The following SEC16A variants were observed in gnomAD, a reference collection of about 807,000 sequenced individuals.
The protein encoded by SEC16A is protein transport protein Sec16A.
In SEC16A, 110 loss-of-function variants were observed where a neutral mutation model predicts 221.9. The observed-to-expected ratio is 0.50, with a 90% CI of 0.42 to 0.58. SEC16A has a LOEUF of 0.58. Among genes scored for constraint, SEC16A ranks in the 20% least tolerant of loss-of-function variants. The pLI is 0.00. For missense variants in SEC16A, 3,165 were observed against 3,097.8 expected (o/e 1.02, Z -0.52); for synonymous variants, 1,393 against 1,257.7 (o/e 1.11, Z -2.28).
chr9:136,462,693 C>G (rs1225493540), intron 12 of SEC16A, among the ~76,000 whole-genome samples, 194 bp downstream of exon 12: 7 of 152,200 alleles, frequency 4.6e-5, no homozygotes, highest in Non-Finnish European at 1.0e-4. Context: ...AGAAGGAAAC[C>G]AACATTAACA....
In SEC16A at chr9:136,466,217, GGTTCTAAACACAACC is replaced by G. The variant is rs1258818360; in HGVS notation, c.4128+32_4128+46del. On this transcript the variant is annotated intron_variant, in intron 7 of 31. Coordinates refer to ENST00000684901, the MANE Select transcript of SEC16A (RefSeq NM_014866.2). This position sits in a 1 kb window ranked among gnomAD's most constrained non-coding sequence, Gnocchi z 5.5. ...TTAGGTACATTGCAAACAGGATGGT[GGTTCTAAACACAACC>G]GTCCGCGTGTCTGTGAGGCGCCGCC... The G allele has an allele frequency of 2.5e-6, 4 of 1,575,180 alleles. No individual in the cohort carries two copies. Among genetic ancestry groups the G allele is most frequent in the Non-Finnish European group, 2.6e-6 (3 of 1,157,398 alleles).
chr9:136,483,920 AT>A, upstream of SEC16A: 1 of 435,516 alleles, frequency 2.3e-6, no homozygotes, highest in Non-Finnish European at 3.1e-6. Flanking sequence ...AAGTTGGTCG[AT>A]GGCTGCCGCC....
chr9:136,469,032 T>C (rs1313379885), intron 4 of SEC16A, among the ~76,000 whole-genome samples: 1 of 152,116 alleles, frequency 6.6e-6, no homozygotes, highest in East Asian at 1.9e-4. Context: ...ATATTTTTCA[T>C]AGACATGGGG....
chr9:136,477,421 T>A lies in SEC16A; in HGVS notation c.195A>T (p.Thr65=), dbSNP rs372786361. 1.2e-6 allele frequency: 2 copies of A among 1,613,954 alleles called. No individual in the cohort carries two copies. The highest frequency in any genetic ancestry group is 3.3e-5 in the Admixed American group (2 of 60,016). Residue 65 remains threonine (T), a synonymous_variant, in exon 3 of 32, where the codon ACA becomes ACT. Transcript: ENST00000684901. ...FAFSRQALQS[T]PLGSSSKSSP... is the part of the protein sequence containing the mutation. ...TGCTTTTGGACGAACTGCCCAGTGGTGTACTTTGGAGCGCCTGTCTACTAA... is the reference window on the plus strand; with the variant it reads ...TGCTTTTGGACGAACTGCCCAGTGGAGTACTTTGGAGCGCCTGTCTACTAA...
intron 2 of SEC16A, 95 bp from the exon 3 acceptor site, chr9:136,477,779 T>G: frequency 8.1e-7 from 1 of 1,227,102 alleles, no homozygotes; most frequent in Non-Finnish European, 1.1e-6. Flanking sequence ...ACATTGAACA[T>G]GATTTTATGT....
At chr9:136,479,661 A>C (rs1842076212) in intron 1 of SEC16A, among the ~76,000 whole-genome samples, 1 of 152,160 alleles carries the variant, frequency 6.6e-6, no homozygotes, top group South Asian at 2.1e-4. Context: ...CAATCCACAC[A>C]TCTTTGCAGA....
rs752121768 is a variant in SEC16A at position 136,441,713 on chromosome 9, G to A, written c.*42C>T. On this transcript the variant is annotated 3_prime_UTR_variant, in exon 32 of 32. Coordinates refer to ENST00000684901, the MANE Select transcript of SEC16A (RefSeq NM_014866.2). ...TCGGTCGGGTTCTTCGGGGAGAACA[G>A]CAGCGTCAGGGCTCCAAGTGCAAGT... 1 of 1,586,148 alleles carries A rather than the reference G, an allele frequency of 6.3e-7. No homozygotes were observed. The highest frequency in any genetic ancestry group is 8.7e-7 in the Non-Finnish European group (1 of 1,155,408).
At chr9:136,463,864 C>T in intron 9 of SEC16A, 124 bp from the exon 10 acceptor site, 1 of 968,662 alleles carries the variant, frequency 1.0e-6, no homozygotes, top group South Asian at 1.3e-5. Flanking sequence ...CTGCCCCGCC[C>T]CACAGCAGGT....
intron 29 of SEC16A, 35 bp downstream of exon 29, chr9:136,445,610 G>A (rs1213923197): frequency 1.3e-6 from 2 of 1,502,956 alleles, no homozygotes; most frequent in South Asian, 1.2e-5. Flanking sequence ...GGGGAGGCCT[G>A]GGCTGCGGGG....
In SEC16A at chr9:136,466,826, G is replaced by A; in HGVS notation, c.3929+131C>T. 8.5e-7 allele frequency: 1 copy of A among 1,172,246 alleles called. No individual in the cohort carries two copies. The highest frequency in any genetic ancestry group is 1.2e-6 in the Non-Finnish European group (1 of 850,962). The allele number at this position is 1,172,246 out of a possible 1,614,324, so 72.6% of individuals were successfully genotyped here. A position where few individuals can be genotyped will look rare whatever the true frequency, so the allele number is the denominator to read the frequency against. ...TGCTCCCTCCTTCCTTTCAGACAGG[G>A]ACCAAAACATCAGGCAGATGCTCAC... On this transcript the variant is annotated intron_variant, in intron 6 of 31. Transcript: ENST00000684901. This position sits in a 1 kb window ranked among gnomAD's most constrained non-coding sequence, Gnocchi z 5.5.
Position 136,465,973 on chromosome 9 carries a change from G to T in SEC16A, c.4292C>A (p.Ala1431Asp). 6.2e-7 allele frequency: 1 copy of T among 1,613,290 alleles called. No individual in the cohort carries two copies. The highest frequency in any genetic ancestry group is 8.5e-7 in the Non-Finnish European group (1 of 1,179,842). ...TGCTGAGCACACACCTTGCTCCATGGCAGGCCAGACGGTGTCGGCAGGGTA... is the reference window on the plus strand; with the variant it reads ...TGCTGAGCACACACCTTGCTCCATGTCAGGCCAGACGGTGTCGGCAGGGTA... ...YGYPADTVWP[A>D]MEQVSSRPTS... Residue 1431 changes from alanine to aspartate, a missense_variant, in exon 8 of 32, where the codon GCC (alanine) becomes GAC (aspartate). Around this residue, in one of 3 missense-constraint regions of SEC16A, gnomAD observed 2,030 missense variants for 1,923.1 expected, o/e 1.06. Transcript: ENST00000684901.
chr9:136,464,557 A>G lies in SEC16A; in HGVS notation c.4309T>C (p.Ser1437Pro). 3 of 1,595,970 alleles carry G rather than the reference A, an allele frequency of 1.9e-6. No individual in the cohort carries two copies. Among genetic ancestry groups the G allele is most frequent in the Non-Finnish European group, 2.6e-6 (3 of 1,166,130 alleles). Residue 1437 changes from serine (S) to proline (P), a missense_variant, in exon 9 of 32, where the codon TCA (serine) becomes CCA (proline). Physicochemically the swap from Ser to Pro is moderately conservative, Grantham distance 74. This residue lies in a region of SEC16A where 2,030 missense variants were observed against 1,923.1 expected (regional missense o/e 1.06). Coordinates refer to ENST00000684901, the MANE Select transcript of SEC16A (RefSeq NM_014866.2). ...AATTTTTCAGGAGAAGTTGGTCTTG[A>G]TGAAACTGCATTTAAAATAAATTGA... is the stretch of plus-strand genomic sequence containing the variant. ...TVWPAMEQVS[S>P]RPTSPEKFSV...
At chr9:136,442,361 T>G (rs7874956) in intron 31 of SEC16A, among the ~76,000 whole-genome samples, 64,714 of 152,164 alleles carry the variant, frequency 0.43, 14,121 homozygotes, top group Admixed American at 0.53. Flanking sequence ...GGGGCCAGCT[T>G]GGGGGCAGTG....
Position 136,475,972 on chromosome 9 carries a change from C to T in SEC16A, c.1644G>A (p.Gln548=), listed in dbSNP as rs1317950550. The change falls in exon 3 of 32, where the codon CAG becomes CAA. Residue 548 remains glutamine (Q), a synonymous_variant. Transcript: ENST00000684901. The surrounding 1 kb of genome is among the most constrained non-coding windows in gnomAD (Gnocchi z 5.0). ...RPQELVGTFI[Q]QEVGKPEDEA... Reference sequence around the variant, plus strand: ...CATCCTCGGGTTTTCCAACTTCTTGCTGAATGAATGTGCCAACCAGCTCCT... The same window carrying T: ...CATCCTCGGGTTTTCCAACTTCTTGTTGAATGAATGTGCCAACCAGCTCCT... 6.2e-7 allele frequency: 1 copy of T among 1,613,480 alleles called. No individual in the cohort carries two copies. The highest frequency in any genetic ancestry group is 1.1e-5 in the South Asian group (1 of 91,082).
intron 4 of SEC16A, among the ~76,000 whole-genome samples, chr9:136,469,304 C>T (rs1415607092): frequency 6.6e-6 from 1 of 152,232 alleles, no homozygotes; most frequent in African/African-American, 2.4e-5. Flanking sequence ...ACCTCCCCCT[C>T]AGGTCTCCTG....
intron 11 of SEC16A, 21 bp downstream of exon 11, chr9:136,463,442 T>C (rs184257111): frequency 1.4e-5 from 23 of 1,610,232 alleles, no homozygotes; most frequent in Non-Finnish European, 2.0e-5. Context: ...AGAAACACTC[T>C]AGAAGTAGAA....
Position 136,474,515 on chromosome 9 carries a change from G to C in SEC16A, c.3101C>G (p.Ala1034Gly). 6 of 1,612,898 alleles carry C rather than the reference G, an allele frequency of 3.7e-6. No individual in the cohort carries two copies. Among genetic ancestry groups the C allele is most frequent in the Non-Finnish European group, 4.2e-6 (5 of 1,179,814 alleles). ...ASHPRQSGPG[A>G]PNLDRFYQQV... ...CTGATAAAAACGGTCAAGGTTAGGC[G>C]CCCCAGGCCCAGATTGTCTGGGATG... Residue 1034 changes from alanine to glycine, a missense_variant, in exon 3 of 32, where the codon GCG becomes GGG. By Grantham distance (60) the Ala-to-Gly change is moderately conservative. Around this residue, in one of 3 missense-constraint regions of SEC16A, gnomAD observed 2,030 missense variants for 1,923.1 expected, o/e 1.06. Coordinates refer to ENST00000684901, the MANE Select transcript of SEC16A (RefSeq NM_014866.2).
chr9:136,470,014 G>C (rs1429769754), intron 4 of SEC16A, among the ~76,000 whole-genome samples: 1 of 152,258 alleles, frequency 6.6e-6, no homozygotes, highest in African/African-American at 2.4e-5. Flanking sequence ...TTCATCAGGA[G>C]CAACACAGTC....
At chr9:136,455,946 G>T in intron 19 of SEC16A, 107 bp downstream of exon 19, 1 of 1,198,104 alleles carries the variant, frequency 8.3e-7, no homozygotes, top group Non-Finnish European at 1.2e-6. Flanking sequence ...ATAGGCACAC[G>T]TTTGCAGTTA....
Sources: allele counts gnomAD v4.1 joint callset (sites outside exome capture counted in the v4.1 genomes callset), GRCh38; gene constraint gnomAD v4.1.1; regional missense constraint gnomAD v4.1.1; non-coding constraint Gnocchi (gnomAD v3.1); transcripts MANE v1.5; gene names NCBI Gene and HGNC (gene_info 2026-07-23, HGNC 2026-07-21).